NAT16: variants seen among roughly 807,000 people sequenced by gnomAD.
NAT16 encodes probable N-acetyltransferase 16.
Under a neutral mutation model 15.9 loss-of-function variants are expected in NAT16, and 16 were observed. The observed-to-expected ratio is 1.01, with a 90% CI of 0.68 to 1.53. The LOEUF (loss-of-function observed/expected upper bound fraction) is 1.53, where lower values mean the gene tolerates loss of function less well. Among genes scored for constraint, NAT16 ranks in the 40% most tolerant of loss-of-function variants. The pLI is 0.00. For missense variants in NAT16, 572 were observed against 508.4 expected (o/e 1.13, Z -1.20); for synonymous variants, 260 against 241.9 (o/e 1.07, Z -0.69).
rs959139926 is a variant in NAT16 at position 101,172,313 on chromosome 7, G to C, written c.876C>G (p.Gly292=). 2 of 1,609,926 alleles carry C rather than the reference G, an allele frequency of 1.2e-6. No individual in the cohort carries two copies. Among genetic ancestry groups the C allele is most frequent in the Non-Finnish European group, 1.7e-6 (2 of 1,178,740 alleles). The change falls in exon 4 of 4, where the codon GGC becomes GGG. Residue 292 remains glycine (G), a synonymous_variant. Transcript: ENST00000300303. This position sits in a 1 kb window ranked among gnomAD's most constrained non-coding sequence, Gnocchi z 4.2. ...RPFPIPHGGD[G]TWRYLNIDAF... Reference sequence around the variant, plus strand: ...CGTCGATGTTGAGATAGCGCCAAGTGCCGTCCCCTCCGTGCGGGATGGGGA... The same window carrying C: ...CGTCGATGTTGAGATAGCGCCAAGTCCCGTCCCCTCCGTGCGGGATGGGGA...
In NAT16 at chr7:101,173,517, C is replaced by A; in HGVS notation, c.316G>T (p.Ala106Ser). Reference protein sequence around the residue: ...VLAKRNGGVIALESVNVIDAG... With the variant: ...VLAKRNGGVISLESVNVIDAG... ...TCGATCACGTTCACCGACTCCAGCG[C>A]GATCTGCGGACCGAGGCCGTTAGCG... The change falls in exon 3 of 4, where the codon GCG becomes TCG. Residue 106 changes from alanine to serine, a missense_variant. Physicochemically the swap from Ala to Ser is moderately conservative, Grantham distance 99. Coordinates refer to ENST00000300303, the MANE Select transcript of NAT16 (RefSeq NM_198571.3). The A allele has an allele frequency of 6.3e-7, 1 of 1,591,842 alleles. No individual in the cohort carries two copies. Among genetic ancestry groups the A allele is most frequent in the South Asian group, 1.1e-5 (1 of 89,522 alleles).
At chr7:101,175,406 C>T (rs1416024754) in intron 1 of NAT16, among the ~76,000 whole-genome samples, 1 of 151,992 alleles carries the variant, frequency 6.6e-6, no homozygotes, top group African/African-American at 2.4e-5. Context: ...CTACCTGGCC[C>T]ACACCCTTTC....
rs756966697 is a variant in NAT16, at chr7:101,172,056, C to T, written c.*23G>A. On this transcript the variant is annotated 3_prime_UTR_variant, in exon 4 of 4. Coordinates refer to ENST00000300303, the MANE Select transcript of NAT16 (RefSeq NM_198571.3). The surrounding 1 kb of genome is among the most constrained non-coding windows in gnomAD (Gnocchi z 4.2). Reference sequence around the variant, plus strand: ...TGCGGAAGGGGGCGGGTCTTTTTCCCCCTCCCCGCCAGAGGAGAGGCCTCA... The same window carrying T: ...TGCGGAAGGGGGCGGGTCTTTTTCCTCCTCCCCGCCAGAGGAGAGGCCTCA... 1 of 1,533,180 alleles carries T rather than the reference C, an allele frequency of 6.5e-7. No individual in the cohort carries two copies. The highest frequency in any genetic ancestry group is 1.9e-5 in the Admixed American group (1 of 52,552). The allele number at this position is 1,533,180 out of a possible 1,614,324, so 95.0% of individuals were successfully genotyped here. A position where few individuals can be genotyped will look rare whatever the true frequency, so the allele number is the denominator to read the frequency against.
Position 101,172,606 on chromosome 7 carries a change from G to T in NAT16, c.583C>A (p.Leu195Met), listed in dbSNP as rs763571946. 5 of 1,527,744 alleles carry T rather than the reference G, an allele frequency of 3.3e-6. No homozygotes were observed. Among genetic ancestry groups the T allele is most frequent in the South Asian group, 1.2e-5 (1 of 83,882 alleles). The allele number at this position is 1,527,744 out of a possible 1,614,324, so 94.6% of individuals were successfully genotyped here. A position where few individuals can be genotyped will look rare whatever the true frequency, so the allele number is the denominator to read the frequency against. The stretch of plus-strand genomic sequence containing the variant: ...CGCAGCGCCGCCAGCCGCGCGCCCA[G>T]CCCGGCCAGCAGCGCGGACGCGTTG... ...RFNASALLAG[L>M]GARLAALRTS... is the part of the protein sequence containing the mutation. Residue 195 changes from leucine (L) to methionine (M), a missense_variant, in exon 4 of 4, where the codon CTG becomes ATG. By Grantham distance (15) the Leu-to-Met change is conservative. Coordinates refer to ENST00000300303, the MANE Select transcript of NAT16 (RefSeq NM_198571.3). The surrounding 1 kb of genome is among the most constrained non-coding windows in gnomAD (Gnocchi z 4.2).
intron 3 of NAT16, 84 bp downstream of exon 3, chr7:101,173,212 C>A (rs2116724887): frequency 8.0e-7 from 1 of 1,242,504 alleles, no homozygotes; most frequent in Admixed American, 1.7e-5. Context: ...AGAGAGCAAG[C>A]CCGTGTTCTG....
chr7:101,174,935 T>TTTATTTAC (rs1198348553), intron 1 of NAT16, 124 bp from the exon 2 acceptor site: 3 of 1,175,428 alleles, frequency 2.6e-6, no homozygotes, highest in African/African-American at 1.6e-5. Flanking sequence ...TTTTCTTTTA[T>TTTATTTAC]TTATTTACTT....
chr7:101,172,627 C>T lies in NAT16; in HGVS notation c.562G>A (p.Ala188Thr), dbSNP rs1310189813. 1.3e-6 allele frequency: 2 copies of T among 1,522,682 alleles called. No individual in the cohort carries two copies. The highest frequency in any genetic ancestry group is 4.0e-5 in the Admixed American group (2 of 49,706). 94.3% of individuals were successfully genotyped at this position (1,522,682 alleles called of 1,614,324 possible). Residue 188 changes from alanine (A) to threonine (T), a missense_variant, in exon 4 of 4, where the codon GCG (alanine) becomes ACG (threonine). Coordinates refer to ENST00000300303, the MANE Select transcript of NAT16 (RefSeq NM_198571.3). The surrounding 1 kb of genome is among the most constrained non-coding windows in gnomAD (Gnocchi z 4.2). ...KQGILLVRFN[A>T]SALLAGLGAR... The stretch of plus-strand genomic sequence containing the variant: ...CCCAGCCCGGCCAGCAGCGCGGACG[C>T]GTTGAATCGGACCAAAAGGATGCCC...
At chr7:101,173,541 C>G (rs770136718) in intron 2 of NAT16, 21 bp from the exon 3 acceptor site, 221 of 1,541,342 alleles carry the variant, frequency 1.4e-4, no homozygotes, top group Admixed American at 6.2e-4. Context: ...AGGCCGTTAG[C>G]GCGGGGCCCT....
intron 1 of NAT16, among the ~76,000 whole-genome samples, chr7:101,178,126 G>T (rs920852579): frequency 4.3e-4 from 66 of 152,130 alleles, no homozygotes; most frequent in Admixed American, 1.1e-3. Flanking sequence ...CTTACAGTGG[G>T]GAGACCCTTT....
intron 3 of NAT16, 30 bp downstream of exon 3, chr7:101,173,266 C>T (rs995419050): frequency 6.3e-7 from 1 of 1,592,112 alleles, no homozygotes; most frequent in Non-Finnish European, 8.6e-7. Flanking sequence ...GCAGAGAGGC[C>T]CAGCCATCCG....
In NAT16 at chr7:101,172,733, TCCCACGTTCACG is replaced by T. The variant is rs1208012059; in HGVS notation, c.538-94_538-83del. The T allele has an allele frequency of 1.7e-6, 2 of 1,150,668 alleles. No individual in the cohort carries two copies. The highest frequency in any genetic ancestry group is 2.3e-6 in the Non-Finnish European group (2 of 858,412). The allele number at this position is 1,150,668 out of a possible 1,614,324, so 71.3% of individuals were successfully genotyped here. A position where few individuals can be genotyped will look rare whatever the true frequency, so the allele number is the denominator to read the frequency against. Reference sequence around the variant, plus strand: ...GGCGCCTCTCGGCAGGCATCTTCACTCCCACGTTCACGCCCACGGGCTCCCACCTGGGTCCCT... The same window carrying T: ...GGCGCCTCTCGGCAGGCATCTTCACTCCCACGGGCTCCCACCTGGGTCCCT... On this transcript the variant is annotated intron_variant, in intron 3 of 3. Transcript: ENST00000300303. The surrounding 1 kb of genome is among the most constrained non-coding windows in gnomAD (Gnocchi z 4.2).
chr7:101,172,337 G>C lies in NAT16; in HGVS notation c.852C>G (p.Phe284Leu), dbSNP rs1410527406. Residue 284 changes from phenylalanine to leucine, a missense_variant, in exon 4 of 4, where the codon TTC becomes TTG. Transcript: ENST00000300303. The surrounding 1 kb of genome is among the most constrained non-coding windows in gnomAD (Gnocchi z 4.2). ...PRVLTLCTRP[F>L]PIPHGGDGTW... is the part of the protein sequence containing the mutation. ...TGCCGTCCCCTCCGTGCGGGATGGG[G>C]AAGGGGCGCGTGCACAGCGTGAGCA... 1 of 1,600,214 alleles carries C rather than the reference G, an allele frequency of 6.2e-7. No homozygotes were observed. The highest frequency in any genetic ancestry group is 8.5e-7 in the Non-Finnish European group (1 of 1,174,878).
chr7:101,173,412 G>T lies in NAT16; in HGVS notation c.421C>A (p.Arg141Ser), dbSNP rs781560090. The change falls in exon 3 of 4, where the codon CGC becomes AGC. Residue 141 changes from arginine (R) to serine (S), a missense_variant. Physicochemically the swap from Arg to Ser is moderately radical, Grantham distance 110. Transcript: ENST00000300303. ...CTCTTGACCAGCTGCGAGCAGAAGC[G>T]CTGCAGCAGCCCGGCCACGCCCTTC... ...RGKGVAGLLQ[R>S]FCSQLVKRQH... 3 of 1,613,356 alleles carry T rather than the reference G, an allele frequency of 1.9e-6. No individual in the cohort carries two copies. Among genetic ancestry groups the T allele is most frequent in the East Asian group, 2.2e-5 (1 of 44,876 alleles).
In NAT16 at chr7:101,171,779, C is replaced by T; in HGVS notation, c.*300G>A. ...AAGGACTCTGAAGCCTGTGCGGGGA[C>T]CAGTTCTTTGGAAAAACAGAGGGTG... is the stretch of plus-strand genomic sequence containing the variant. On this transcript the variant is annotated 3_prime_UTR_variant, in exon 4 of 4. Coordinates refer to ENST00000300303, the MANE Select transcript of NAT16 (RefSeq NM_198571.3). 1 of 352,106 alleles carries T rather than the reference C, an allele frequency of 2.8e-6. No homozygotes were observed. 21.8% of individuals were successfully genotyped at this position (352,106 alleles called of 1,614,324 possible).
chr7:101,178,889 C>CCAAAAAAAAAAA (rs1797528037), intron 1 of NAT16, among the ~76,000 whole-genome samples: 1 of 62,084 alleles, frequency 1.6e-5, no homozygotes, highest in Non-Finnish European at 2.8e-5. Context: ...GAAACGCTGT[C>CCAAAAAAAAAAA]AAAAAAAAAA....
chr7:101,174,354 T>C, intron 2 of NAT16, 142 bp downstream of exon 2: 8 of 1,152,938 alleles, frequency 6.9e-6, no homozygotes, highest in Non-Finnish European at 9.5e-6. Context: ...CTGCACGCCC[T>C]GCACTTTGGT....
At position 101,174,525 on chromosome 7, in the gene NAT16, C is replaced by T; in HGVS notation, c.283G>A (p.Val95Met). The T allele has an allele frequency of 6.2e-7, 1 of 1,613,594 alleles. No individual in the cohort carries two copies. Among genetic ancestry groups the T allele is most frequent in the South Asian group, 1.1e-5 (1 of 91,050 alleles). The change falls in exon 2 of 4, where the codon GTG becomes ATG. Residue 95 changes from valine (V) to methionine (M), a missense_variant. Transcript: ENST00000300303. ...CCTCCGTTGCGCTTGGCCAGCACCACCGTGCGGTCGGGGTCCCGGAGCCAG... is the reference window on the plus strand; with the variant it reads ...CCTCCGTTGCGCTTGGCCAGCACCATCGTGCGGTCGGGGTCCCGGAGCCAG... ...HSWLRDPDRT[V>M]VLAKRNGGVI...
intron 2 of NAT16, 79 bp downstream of exon 2, chr7:101,174,417 C>G: frequency 2.1e-6 from 3 of 1,460,710 alleles, no homozygotes; most frequent in Non-Finnish European, 2.7e-6. Context: ...GGGAGAAGCT[C>G]TCATCCTCCT....
intron 2 of NAT16, 54 bp downstream of exon 2, chr7:101,174,442 C>G: frequency 6.6e-7 from 1 of 1,514,632 alleles, no homozygotes; most frequent in Non-Finnish European, 8.8e-7. Context: ...CTAAGATCCA[C>G]GCACCCGCAG....
Sources: gnomAD v4.1 joint callset for allele counts (sites outside exome capture counted in the v4.1 genomes callset) on GRCh38, gnomAD v4.1.1 for gene constraint, Gnocchi (gnomAD v3.1) non-coding constraint, MANE v1.5 for transcripts, NCBI Gene and HGNC (gene_info 2026-07-23, HGNC 2026-07-21) for gene names.